The following HECTD4 variants were observed in gnomAD, a reference collection of about 807,000 sequenced individuals.
HECTD4 encodes probable E3 ubiquitin-protein ligase HECTD4.
HECTD4 carries 114 observed loss-of-function variants against 471.5 expected under a neutral mutation model. The observed-to-expected ratio is 0.24, with a 90% CI of 0.21 to 0.28. HECTD4 has a LOEUF of 0.28. Among genes scored for constraint, HECTD4 ranks in the 10% least tolerant of loss-of-function variants. The pLI is 1.00. For missense variants in HECTD4, 3,866 were observed against 5,651.5 expected (o/e 0.68, Z 10.13); for synonymous variants, 2,012 against 2,256.0 (o/e 0.89, Z 3.07).
At chr12:112,266,048 TAA>T in intron 14 of HECTD4, 65 bp from the exon 15 acceptor site, 1 of 1,171,490 alleles carries the variant, frequency 8.5e-7, no homozygotes, top group South Asian at 1.3e-5. Flanking sequence ...ATGCTATTTT[TAA>T]AAAGTTTTTA....
In HECTD4 at chr12:112,194,932, T is replaced by G; in HGVS notation, c.8702A>C (p.Glu2901Ala). 1 of 1,609,684 alleles carries G rather than the reference T, an allele frequency of 6.2e-7. No individual in the cohort carries two copies. The highest frequency in any genetic ancestry group is 8.5e-7 in the Non-Finnish European group (1 of 1,178,192). ...HIPAIRDITL[E>A]HLQLLSNQLL... is the part of the protein sequence containing the mutation. ...CTGATTGGACAGCAGTTGCAGGTGC[T>G]CCAGGGTAATGTCCCGGATGGCAGG... Residue 2901 changes from glutamate (E) to alanine (A), a missense_variant, in exon 56 of 76, where the codon GAG becomes GCG. Around this residue, in one of 16 missense-constraint regions of HECTD4, gnomAD observed 266 missense variants for 441.6 expected, o/e 0.60. Transcript: ENST00000682272. The surrounding 1 kb of genome is among the most constrained non-coding windows in gnomAD (Gnocchi z 4.6).
At chr12:112,317,597 A>G (rs754372610) in intron 2 of HECTD4, among the ~76,000 whole-genome samples, 6 of 152,208 alleles carry the variant, frequency 3.9e-5, no homozygotes, top group Non-Finnish European at 8.8e-5. Flanking sequence ...AGTCTACTGG[A>G]AAACAAAGGT....
chr12:112,218,273 G>A (rs189740473), intron 45 of HECTD4, among the ~76,000 whole-genome samples: 2 of 152,162 alleles, frequency 1.3e-5, no homozygotes, highest in East Asian at 1.9e-4. Flanking sequence ...ATATTTATGG[G>A]GTAAGTCAAT....
rs766477244 is a variant in HECTD4, at chr12:112,243,983, C to A, written c.4540G>T (p.Val1514Leu). The A allele has an allele frequency of 1.9e-6, 3 of 1,613,936 alleles. No homozygotes were observed. ...GGCTGCCTGACAGCGTGAGATATCACTTTTGTTTCAGAAGCTGATTTACAA... is the reference window on the plus strand; with the variant it reads ...GGCTGCCTGACAGCGTGAGATATCAATTTTGTTTCAGAAGCTGATTTACAA... ...PACKSASETK[V>L]ISHAVRQPVF... Residue 1514 changes from valine to leucine, a missense_variant, in exon 30 of 76, where the codon GTG (valine) becomes TTG (leucine). Physicochemically the swap from Val to Leu is conservative, Grantham distance 32. This residue lies in a region of HECTD4 where 49 missense variants were observed against 43.6 expected (regional missense o/e 1.12). Coordinates refer to ENST00000682272, the MANE Select transcript of HECTD4 (RefSeq NM_001388303.1). The surrounding 1 kb of genome is among the most constrained non-coding windows in gnomAD (Gnocchi z 6.6).
At position 112,209,546 on chromosome 12, in the gene HECTD4, G is replaced by A. The variant is rs539044212; in HGVS notation, c.7867+469C>T. On this transcript the variant is annotated intron_variant, in intron 50 of 75. Coordinates refer to ENST00000682272, the MANE Select transcript of HECTD4 (RefSeq NM_001388303.1). ...TCTCCATGCTGGTCAGGCTGGTCTC[G>A]AACTCCCAACCTTAGGTGATCTGCC... Among the ~76,000 whole-genome samples, 33 of 152,214 alleles carry A rather than the reference G, an allele frequency of 2.2e-4. No individual in the cohort carries two copies. In the South Asian group the frequency reaches 6.0e-3, roughly 28 times the overall value.
At chr12:112,273,495 A>G (rs961942085) in intron 11 of HECTD4, among the ~76,000 whole-genome samples, 160 bp downstream of exon 11, 7 of 152,206 alleles carry the variant, frequency 4.6e-5, no homozygotes, top group African/African-American at 1.7e-4. Context: ...CTCATCTTTC[A>G]TGGTTACAGA....
intron 15 of HECTD4, among the ~76,000 whole-genome samples, 154 bp downstream of exon 15, chr12:112,265,723 GA>G (rs1474088965): frequency 6.6e-6 from 1 of 152,156 alleles, no homozygotes; most frequent in African/African-American, 2.4e-5. Context: ...GGGAACTGTG[GA>G]ATCTATTATC....
At chr12:112,236,027 C>T (rs181315752) in intron 35 of HECTD4, among the ~76,000 whole-genome samples, 49 of 152,260 alleles carry the variant, frequency 3.2e-4, no homozygotes, top group Admixed American at 9.8e-4. Context: ...ACTTGAGATC[C>T]TAAATTCAGA....
At chr12:112,346,389 T>C (rs1362441359) in intron 1 of HECTD4, among the ~76,000 whole-genome samples, 1 of 152,108 alleles carries the variant, frequency 6.6e-6, no homozygotes, top group Non-Finnish European at 1.5e-5. Flanking sequence ...TCCTTTTCTT[T>C]CCCTCCCCTC....
intron 18 of HECTD4, 61 bp downstream of exon 18, chr12:112,261,244 T>C: frequency 6.8e-7 from 1 of 1,471,204 alleles, no homozygotes; most frequent in South Asian, 1.5e-5. Context: ...AGATTTAATT[T>C]CAATAAACAA....
chr12:112,296,770 A>G (rs1393171904), intron 7 of HECTD4, among the ~76,000 whole-genome samples: 3 of 143,070 alleles, frequency 2.1e-5, no homozygotes, highest in Non-Finnish European at 4.6e-5. Flanking sequence ...GTAGGTGCAG[A>G]TGGTGTAGGT....
chr12:112,323,960 TTC>T (rs2035645626), intron 1 of HECTD4, among the ~76,000 whole-genome samples: 1 of 34,440 alleles, frequency 2.9e-5, no homozygotes, highest in Non-Finnish European at 4.4e-5. Context: ...CTTTCTTTCT[TTC>T]TTTCTTCCTT....
intron 17 of HECTD4, chr12:112,261,812 G>A (rs894181656): frequency 6.2e-6 from 1 of 161,852 alleles, no homozygotes; most frequent in African/African-American, 2.4e-5. Flanking sequence ...GCCTTGGGTG[G>A]TATGAGGATA....
At chr12:112,167,068 C>T (rs2030996395) in intron 72 of HECTD4, 2 of 408,016 alleles carry the variant, frequency 4.9e-6, no homozygotes, top group Admixed American at 8.4e-5. Context: ...GCAATGAGCA[C>T]CAATGTGGGA....
At chr12:112,354,435 T>C (rs2036296807) in intron 1 of HECTD4, among the ~76,000 whole-genome samples, 1 of 152,108 alleles carries the variant, frequency 6.6e-6, no homozygotes, top group African/African-American at 2.4e-5. Context: ...AAAACCTGGG[T>C]ATGTTATTCA....
chr12:112,216,210 A>G (rs1262536628), intron 48 of HECTD4, 82 bp downstream of exon 48: 14 of 918,064 alleles, frequency 1.5e-5, no homozygotes, highest in Middle Eastern at 4.3e-4. Flanking sequence ...CAATTGCTAA[A>G]TTTATTCAAC....
In HECTD4 at chr12:112,164,704, C is replaced by T. The variant is rs1440462026; in HGVS notation, c.12535-429G>A. Among the ~76,000 whole-genome samples the T allele has an allele frequency of 7.3e-5, 11 of 151,674 alleles. 1 individual carries two copies. Among genetic ancestry groups the T allele is most frequent in the Non-Finnish European group, 1.2e-4 (8 of 67,900 alleles). ...GGCGCAATCTTGGCTCGCTGCAACC[C>T]CTCGCCTCCTGGGTGCAAGCAATTA... On this transcript the variant is annotated intron_variant, in intron 72 of 75. Transcript: ENST00000682272.
chr12:112,246,432 G>C (rs922697745), intron 29 of HECTD4, among the ~76,000 whole-genome samples: 4 of 151,874 alleles, frequency 2.6e-5, no homozygotes, highest in African/African-American at 9.7e-5. Flanking sequence ...TCAGGAGTTC[G>C]AGACCAACCT....
intron 1 of HECTD4, among the ~76,000 whole-genome samples, chr12:112,360,881 G>A (rs2036435594): frequency 6.6e-6 from 1 of 151,972 alleles, no homozygotes; most frequent in Non-Finnish European, 1.5e-5. Context: ...TTACTTGGGA[G>A]GCTGAGGCAG....
Sources: allele counts gnomAD v4.1 joint callset (sites outside exome capture counted in the v4.1 genomes callset), GRCh38; gene constraint gnomAD v4.1.1; regional missense constraint gnomAD v4.1.1; non-coding constraint Gnocchi (gnomAD v3.1); transcripts MANE v1.5; gene names NCBI Gene and HGNC (gene_info 2026-07-23, HGNC 2026-07-21).